Variants in SLC25A13 observed in about 807,000 individuals in gnomAD.
SLC25A13 encodes solute carrier family 25 member 13.
In SLC25A13, 70 loss-of-function variants were observed where a neutral mutation model predicts 85.5. That is an observed-to-expected ratio of 0.82 (90% CI 0.68 to 1.00). SLC25A13 has a LOEUF of 1.00. Among genes scored for constraint, SLC25A13 ranks in the 50% least tolerant of loss-of-function variants. SLC25A13 has a pLI of 0.00. For synonymous variants in SLC25A13, 259 were observed against 288.7 expected, an observed-to-expected ratio of 0.90 and a Z score of 1.04; for missense variants, 765 against 819.8, an observed-to-expected ratio of 0.93 and a Z score of 0.82.
At chr7:96,162,737 A>G (rs1400070196) in intron 13 of SLC25A13, among the ~76,000 whole-genome samples, 1 of 152,216 alleles carries the variant, frequency 6.6e-6, no homozygotes. Context: ...GAAGTTATGG[A>G]TTAGAATAGT....
intron 11 of SLC25A13, among the ~76,000 whole-genome samples, chr7:96,183,877 C>T (rs1325425000): frequency 1.4e-4 from 22 of 152,158 alleles, no homozygotes; most frequent in Non-Finnish European, 2.6e-4. Flanking sequence ...CTGAACCCTT[C>T]GTTATCTTTT....
At chr7:96,314,256 C>T (rs1005683655) in intron 1 of SLC25A13, among the ~76,000 whole-genome samples, 1 of 151,582 alleles carries the variant, frequency 6.6e-6, no homozygotes, top group Non-Finnish European at 1.5e-5. Flanking sequence ...AAGCAGATGG[C>T]GAGAAAGAAA....
chr7:96,292,399 TA>T (rs1279172694), intron 2 of SLC25A13, among the ~76,000 whole-genome samples: 1 of 152,182 alleles, frequency 6.6e-6, no homozygotes, highest in African/African-American at 2.4e-5. Flanking sequence ...TCACCACTCC[TA>T]TTTAACATAG....
At chr7:96,233,297 C>A (rs1171898665) in intron 4 of SLC25A13, among the ~76,000 whole-genome samples, 1 of 152,170 alleles carries the variant, frequency 6.6e-6, no homozygotes, top group Non-Finnish European at 1.5e-5. Flanking sequence ...TTGAGTAAAT[C>A]AATAACACCA....
At chr7:96,240,063 G>C (rs2116832036) in intron 3 of SLC25A13, among the ~76,000 whole-genome samples, 1 of 152,322 alleles carries the variant, frequency 6.6e-6, no homozygotes, top group Non-Finnish European at 1.5e-5. Flanking sequence ...CTTCTTCACT[G>C]TAGCGTAACT....
rs112285986 is a variant in SLC25A13, at chr7:96,237,590, G to A, written c.213-2673C>T. Among the ~76,000 whole-genome samples the A allele has an allele frequency of 5.8e-3, 879 of 152,304 alleles. 4 individuals carry two copies. Among genetic ancestry groups the A allele is most frequent in the African/African-American group, 0.02 (823 of 41,556 alleles). On this transcript the variant is annotated intron_variant, in intron 3 of 17. Transcript: ENST00000265631. ...ACTTTGTTTTAGAAAAAGAACTGGT[G>A]TGGAAGATGAATTTAAAGGAGAGAT...
At chr7:96,199,043 T>C (rs141973626) in intron 5 of SLC25A13, among the ~76,000 whole-genome samples, 1 of 152,326 alleles carries the variant, frequency 6.6e-6, no homozygotes, top group Non-Finnish European at 1.5e-5. Flanking sequence ...GTTTACTAAG[T>C]TATTAAGTGC....
At chr7:96,153,819 A>G (rs1386295718) in intron 13 of SLC25A13, among the ~76,000 whole-genome samples, 2 of 152,220 alleles carry the variant, frequency 1.3e-5, no homozygotes, top group Non-Finnish European at 2.9e-5. Flanking sequence ...GAACAATAGA[A>G]CTGGTACACC....
intron 3 of SLC25A13, among the ~76,000 whole-genome samples, chr7:96,252,067 G>A (rs1464226142): frequency 6.6e-6 from 1 of 152,152 alleles, no homozygotes; most frequent in East Asian, 1.9e-4. Context: ...CAAAAACAGA[G>A]CTTGTCTTAG....
intron 11 of SLC25A13, among the ~76,000 whole-genome samples, chr7:96,178,348 A>G (rs1225850782): frequency 1.3e-5 from 2 of 152,204 alleles, no homozygotes; most frequent in African/African-American, 2.4e-5. Context: ...TAACTAAGGC[A>G]GTAGTTACCA....
chr7:96,179,273 T>A (rs1172241298), intron 11 of SLC25A13, among the ~76,000 whole-genome samples: 1 of 152,240 alleles, frequency 6.6e-6, no homozygotes, highest in Non-Finnish European at 1.5e-5. Context: ...TCCCTCCTAC[T>A]GAGGTTTAAT....
chr7:96,172,686 A>G (rs1490593151), intron 11 of SLC25A13, among the ~76,000 whole-genome samples: 1 of 152,070 alleles, frequency 6.6e-6, no homozygotes, highest in Non-Finnish European at 1.5e-5. Flanking sequence ...ATGAGGCTCC[A>G]TCCTTCAGAC....
At chr7:96,285,977 T>A (rs1354494938) in intron 2 of SLC25A13, among the ~76,000 whole-genome samples, 2 of 152,078 alleles carry the variant, frequency 1.3e-5, no homozygotes, top group Admixed American at 1.3e-4. Context: ...CACAAGAACA[T>A]CCTCCATAAG....
At chr7:96,146,841 T>C (rs966821500) in intron 13 of SLC25A13, 145 bp from the exon 14 acceptor site, 1 of 987,946 alleles carries the variant, frequency 1.0e-6, no homozygotes, top group Non-Finnish European at 1.6e-6. Context: ...TCAAAACGGT[T>C]AGGGATTACA....
At chr7:96,146,503 A>G in intron 14 of SLC25A13, 53 bp downstream of exon 14, 2 of 1,590,526 alleles carry the variant, frequency 1.3e-6, no homozygotes, top group Middle Eastern at 1.7e-4. Flanking sequence ...TAGTTTCTGC[A>G]TTAGGAGATG....
At chr7:96,125,785 C>T (rs1168971701) in intron 15 of SLC25A13, among the ~76,000 whole-genome samples, 1 of 149,438 alleles carries the variant, frequency 6.7e-6, no homozygotes, top group African/African-American at 2.5e-5. Flanking sequence ...TTATTTTCCA[C>T]ATGTCTAAAT....
At chr7:96,292,503 A>G (rs1157105401) in intron 2 of SLC25A13, among the ~76,000 whole-genome samples, 1 of 152,242 alleles carries the variant, frequency 6.6e-6, no homozygotes, top group Non-Finnish European at 1.5e-5. Flanking sequence ...CTGTTTGCAG[A>G]TGACATGATT....
At chr7:96,214,828 C>A (rs754164288) in intron 4 of SLC25A13, among the ~76,000 whole-genome samples, 104 of 152,056 alleles carry the variant, frequency 6.8e-4, no homozygotes, top group Non-Finnish European at 1.3e-3. Flanking sequence ...AAGTGCAAAA[C>A]TGATTCTCTA....
intron 2 of SLC25A13, among the ~76,000 whole-genome samples, chr7:96,280,710 G>A (rs1265170138): frequency 1.3e-5 from 2 of 151,912 alleles, no homozygotes; most frequent in African/African-American, 2.4e-5. Context: ...GTGAGACCCT[G>A]TCTCAAAACA....
Sources: gnomAD v4.1 joint callset for allele counts (sites outside exome capture counted in the v4.1 genomes callset) on GRCh38, gnomAD v4.1.1 for gene constraint, MANE v1.5 for transcripts, NCBI Gene and HGNC (gene_info 2026-07-23, HGNC 2026-07-21) for gene names.